SLCO6A1: variants seen among roughly 807,000 people sequenced by gnomAD.
SLCO6A1 encodes the protein solute carrier organic anion transporter family member 6A1, also known as cancer/testis antigen 48.
In SLCO6A1, 65 loss-of-function variants were observed where a neutral mutation model predicts 72.7. The ratio of observed to expected loss-of-function variants is 0.89; its 90% CI spans 0.73 to 1.10. The LOEUF (loss-of-function observed/expected upper bound fraction) is 1.10, where lower values mean the gene tolerates loss of function less well. SLCO6A1 is among the 50% of genes least tolerant of loss of function. The pLI is 0.00. For missense variants in SLCO6A1, 874 were observed against 872.6 expected (o/e 1.00, Z -0.02); for synonymous variants, 314 against 298.2 (o/e 1.05, Z -0.55).
intron 3 of SLCO6A1, among the ~76,000 whole-genome samples, chr5:102,476,507 G>A (rs550135326): frequency 3.6e-4 from 55 of 152,200 alleles, no homozygotes; most frequent in Non-Finnish European, 6.8e-4. Flanking sequence ...GATTGTAAAT[G>A]TTCATCGCAT....
At chr5:102,467,485 A>G (rs946557809) in intron 4 of SLCO6A1, among the ~76,000 whole-genome samples, 8 of 152,024 alleles carry the variant, frequency 5.3e-5, no homozygotes, top group Non-Finnish European at 1.2e-4. Flanking sequence ...AAACCATCAA[A>G]TATCATGAGA....
At position 102,442,421 on chromosome 5, in the gene SLCO6A1, T is replaced by A. The variant is rs187193031; in HGVS notation, c.1132-3660A>T. On this transcript the variant is annotated intron_variant, in intron 6 of 13. Coordinates refer to ENST00000506729, the MANE Select transcript of SLCO6A1 (RefSeq NM_173488.5). Reference sequence around the variant, plus strand: ...AAACAATAATGTCTATTTTTTTGAGTGGTTATGATAATTGAATACATGTAA... The same window carrying A: ...AAACAATAATGTCTATTTTTTTGAGAGGTTATGATAATTGAATACATGTAA... Among the ~76,000 whole-genome samples, 469 of 152,300 alleles carry A rather than the reference T, an allele frequency of 3.1e-3. 3 individuals are homozygous for A. The highest frequency in any genetic ancestry group is 0.011 in the African/African-American group (454 of 41,572).
chr5:102,395,381 T>G (rs1192379709), intron 10 of SLCO6A1, among the ~76,000 whole-genome samples: 1 of 152,184 alleles, frequency 6.6e-6, no homozygotes. Flanking sequence ...CATCCTTTTT[T>G]ATGGCTGCAT....
intron 2 of SLCO6A1, 111 bp downstream of exon 2, chr5:102,480,066 T>C: frequency 2.9e-6 from 3 of 1,046,644 alleles, no homozygotes; most frequent in Non-Finnish European, 2.7e-6. Context: ...ATCAAATGGA[T>C]GGATGGATAG....
At chr5:102,447,179 T>C (rs1168560586) in intron 6 of SLCO6A1, among the ~76,000 whole-genome samples, 1 of 152,262 alleles carries the variant, frequency 6.6e-6, no homozygotes, top group Non-Finnish European at 1.5e-5. Flanking sequence ...GTGATTTGTG[T>C]ATGTTGAACC....
intron 12 of SLCO6A1, among the ~76,000 whole-genome samples, chr5:102,383,743 A>G (rs993674415): frequency 2.0e-5 from 3 of 151,728 alleles, no homozygotes; most frequent in Non-Finnish European, 4.4e-5. Flanking sequence ...TTTCTCTTCA[A>G]TTTTTTAAAA....
chr5:102,498,493 A>G lies in SLCO6A1; in HGVS notation c.352T>C (p.Cys118Arg), dbSNP rs773999690. ...FMIFYCILLI[C>R]QGVVFGLIDV... ...CCGCCTCCTTCAGGCTCACCTTGAC[A>G]TATGAGCAGGATGCAGTAGAAAATC... is the stretch of plus-strand genomic sequence containing the variant. The change falls in exon 1 of 14, where the codon TGT becomes CGT. Residue 118 changes from cysteine (C) to arginine (R), a missense_variant. Coordinates refer to ENST00000506729, the MANE Select transcript of SLCO6A1 (RefSeq NM_173488.5). 4.3e-6 allele frequency: 7 copies of G among 1,612,390 alleles called. No individual in the cohort carries two copies. In the East Asian group the frequency reaches 1.6e-4, roughly 36 times the overall value.
chr5:102,444,603 T>A (rs965960058), intron 6 of SLCO6A1, among the ~76,000 whole-genome samples: 1 of 152,202 alleles, frequency 6.6e-6, no homozygotes, highest in Admixed American at 6.5e-5. Flanking sequence ...ATTGCAAATT[T>A]AAATTTTTTT....
chr5:102,428,767 CATGT>C (rs1287342862), intron 7 of SLCO6A1, among the ~76,000 whole-genome samples: 2 of 152,094 alleles, frequency 1.3e-5, no homozygotes, highest in Non-Finnish European at 2.9e-5. Flanking sequence ...CATATGCATG[CATGT>C]GTCTTTGTAT....
intron 7 of SLCO6A1, among the ~76,000 whole-genome samples, chr5:102,427,864 A>ATGTAT (rs1409007399): frequency 1.3e-5 from 1 of 76,264 alleles, no homozygotes; most frequent in Admixed American, 1.8e-4. Flanking sequence ...ATATATATAT[A>ATGTAT]TTTTTTTTTT....
At position 102,498,364 on chromosome 5, in the gene SLCO6A1, GGCTGGGCCACCCCAGGGCAT is replaced by G. The variant is rs535185714; in HGVS notation, c.358+103_358+122del. ...CTTGAGAAGTCAGAAAGCAGCCTCA[GGCTGGGCCACCCCAGGGCAT>G]GCTGGGCCACCCCAGGGCGTCCTCC... On this transcript the variant is annotated intron_variant, in intron 1 of 13. Transcript: ENST00000506729. The G allele has an allele frequency of 3.6e-4, 326 of 904,108 alleles. 2 individuals are homozygous for G. The highest frequency in any genetic ancestry group is 2.8e-3 in the South Asian group (168 of 60,496). The allele number at this position is 904,108 out of a possible 1,614,324, so 56.0% of individuals were successfully genotyped here.
rs200584654 is a variant in SLCO6A1, at chr5:102,399,591, C to A, written c.1778G>T (p.Gly593Val). The A allele has an allele frequency of 8.2e-6, 13 of 1,582,602 alleles. No individual in the cohort carries two copies. Among genetic ancestry groups the A allele is most frequent in the African/African-American group, 6.7e-5 (5 of 74,466 alleles). The change falls in exon 10 of 14, where the codon GGT (glycine) becomes GTT (valine). Residue 593 changes from glycine (G) to valine (V), a missense_variant. By Grantham distance (109) the Gly-to-Val change is moderately radical. Transcript: ENST00000506729. The stretch of plus-strand genomic sequence containing the variant: ...CAAGACGATTGGTACACCAGAAAAA[C>A]CAGAAAATATAAGTGTAGAAAAGAT... ...AFIFSTLIFS[G>V]FSGVPIVLAM...
chr5:102,399,762 G>T lies in SLCO6A1; in HGVS notation c.1627-20C>A. On this transcript the variant is annotated intron_variant, in intron 9 of 13. Transcript: ENST00000506729. Reference sequence around the variant, plus strand: ...GTACATCTGTGAGTATTGAAGACAGGAAACAATCTTTCAGAAAAATAGTCA... The same window carrying T: ...GTACATCTGTGAGTATTGAAGACAGTAAACAATCTTTCAGAAAAATAGTCA... 6.8e-7 allele frequency: 1 copy of T among 1,462,938 alleles called. No individual in the cohort carries two copies. The highest frequency in any genetic ancestry group is 9.1e-7 in the Non-Finnish European group (1 of 1,096,396). 90.6% of individuals were successfully genotyped at this position (1,462,938 alleles called of 1,614,324 possible). A position where few individuals can be genotyped will look rare whatever the true frequency, so the allele number is the denominator to read the frequency against.
At chr5:102,422,857 G>A (rs1748682809) in intron 7 of SLCO6A1, among the ~76,000 whole-genome samples, 1 of 152,150 alleles carries the variant, frequency 6.6e-6, no homozygotes, top group South Asian at 2.1e-4. Flanking sequence ...AGCAAAAAAT[G>A]TTAAGGGCAG....
chr5:102,424,740 A>G (rs1174591447), intron 7 of SLCO6A1, among the ~76,000 whole-genome samples: 2 of 152,210 alleles, frequency 1.3e-5, no homozygotes, highest in African/African-American at 4.8e-5. Context: ...CAAACAATAG[A>G]AAAAGAGGGA....
At chr5:102,498,464 C>T in intron 1 of SLCO6A1, 23 bp downstream of exon 1, 2 of 1,598,424 alleles carry the variant, frequency 1.3e-6, no homozygotes, top group Non-Finnish European at 1.7e-6. Flanking sequence ...CTCGCCACAA[C>T]AAACCGCCTC....
At chr5:102,409,116 G>A (rs1283562261) in intron 9 of SLCO6A1, among the ~76,000 whole-genome samples, 1 of 152,124 alleles carries the variant, frequency 6.6e-6, no homozygotes, top group Admixed American at 6.5e-5. Context: ...TTGGAAGCAT[G>A]GATAAGAAGA....
chr5:102,376,639 T>C (rs1396310531), intron 12 of SLCO6A1, among the ~76,000 whole-genome samples: 1 of 152,126 alleles, frequency 6.6e-6, no homozygotes, highest in African/African-American at 2.4e-5. Flanking sequence ...AATACAATGA[T>C]ACAATCTGAA....
intron 12 of SLCO6A1, among the ~76,000 whole-genome samples, chr5:102,385,826 C>CTTTTTTTTTTTT (rs57983218): frequency 2.5e-5 from 3 of 121,218 alleles, no homozygotes; most frequent in Non-Finnish European, 5.1e-5. Context: ...CCTGTTTTTC[C>CTTTTTTTTTTTT]TTTTTTTTTT....
Sources: gnomAD v4.1 joint callset for allele counts (sites outside exome capture counted in the v4.1 genomes callset) on GRCh38, gnomAD v4.1.1 for gene constraint, MANE v1.5 for transcripts, NCBI Gene and HGNC (gene_info 2026-07-23, HGNC 2026-07-21) for gene names.